Variants in MTTP observed in about 807,000 individuals in gnomAD.
The protein encoded by MTTP is microsomal triglyceride transfer protein large subunit.
MTTP carries 49 observed loss-of-function variants against 90.6 expected under a neutral mutation model. The observed-to-expected ratio is 0.54, with a 90% CI of 0.43 to 0.69. MTTP has a LOEUF of 0.69. MTTP is among the 30% of genes least tolerant of loss of function. MTTP has a pLI of 0.00. For synonymous variants in MTTP, 347 were observed against 384.2 expected, an observed-to-expected ratio of 0.90 and a Z score of 1.13; for missense variants, 945 against 1,067.5, an observed-to-expected ratio of 0.89 and a Z score of 1.60.
At chr4:99,598,648 G>C (rs1277916858) in intron 8 of MTTP, among the ~76,000 whole-genome samples, 1 of 136,104 alleles carries the variant, frequency 7.3e-6, no homozygotes, top group Non-Finnish European at 1.6e-5. Context: ...ATCCTTCAAG[G>C]AAGTCTTTTT....
chr4:99,617,466 G>A (rs955810723), intron 15 of MTTP, among the ~76,000 whole-genome samples: 2 of 152,160 alleles, frequency 1.3e-5, no homozygotes, highest in Admixed American at 1.3e-4. Context: ...CACAATCCTT[G>A]CTAGAAAGTT....
At position 99,583,403 on chromosome 4, in the gene MTTP, T is replaced by C. The variant is rs747693540; in HGVS notation, c.279T>C (p.Asn93=). The C allele has an allele frequency of 2.5e-6, 4 of 1,613,144 alleles. No homozygotes were observed. The highest frequency in any genetic ancestry group is 2.2e-5 in the East Asian group (1 of 44,828). Residue 93 remains asparagine, a synonymous_variant, in exon 3 of 18, where the codon AAT becomes AAC. Coordinates refer to ENST00000265517, the MANE Select transcript of MTTP (RefSeq NM_001386140.1). ...TMKDVNVENV[N]QQRGEKSIFK... ...AGGATGTAAATGTTGAAAATGTGAATCAGCAGAGAGGAGAGAAGAGCATCT... is the reference window on the plus strand; with the variant it reads ...AGGATGTAAATGTTGAAAATGTGAACCAGCAGAGAGGAGAGAAGAGCATCT...
chr4:99,580,435 C>T (rs6815416), intron 1 of MTTP, among the ~76,000 whole-genome samples: 29,563 of 150,936 alleles, frequency 0.2, 2,978 homozygotes, highest in South Asian at 0.3. Flanking sequence ...ATTAGCCAGG[C>T]GTGGTGGCAC....
rs948794577 is a variant in MTTP, at chr4:99,574,878, G to T, written c.-32G>T. ...CCACTTCTCAGTGACTCCTAGCTGG[G>T]CACTGGATGCAGTTGAGGATTGCTG... On this transcript the variant is annotated 5_prime_UTR_variant, in exon 1 of 18. Transcript: ENST00000265517. 18 of 1,613,954 alleles carry T rather than the reference G, an allele frequency of 1.1e-5. No homozygotes were observed. The African/African-American group carries it at 1.5e-4, about 13-fold the overall frequency.
chr4:99,620,946 TG>T, intron 16 of MTTP, 114 bp from the exon 17 acceptor site: 1 of 983,596 alleles, frequency 1.0e-6, no homozygotes, highest in East Asian at 2.6e-5. Flanking sequence ...ATCCCTTAAG[TG>T]TTTCCTTCCA....
At chr4:99,620,020 CAACAACAAAA>C (rs1262800760) in intron 16 of MTTP, among the ~76,000 whole-genome samples, 1 of 151,380 alleles carries the variant, frequency 6.6e-6, no homozygotes, top group African/African-American at 2.4e-5. Context: ...ACAACAGCAA[CAACAACAAAA>C]AGTAATTTGG....
rs143961701 is a variant in MTTP, at chr4:99,566,772, T to C, written c.-102+2535T>C. On this transcript the variant is annotated intron_variant, in intron 1 of 18. Coordinates refer to the MTTP transcript ENST00000457717. The stretch of plus-strand genomic sequence containing the variant: ...ACCAGTTTGTTAAATTGGGCCCTAG[T>C]TGGTAGAATAAGAAGGAGGCTACAG... Among the ~76,000 whole-genome samples the C allele has an allele frequency of 3.6e-3, 543 of 152,280 alleles. 5 individuals are homozygous for C. Among genetic ancestry groups the C allele is most frequent in the African/African-American group, 0.012 (510 of 41,550 alleles).
upstream of MTTP, among the ~76,000 whole-genome samples, chr4:99,571,670 A>AT (rs984138413): frequency 1.4e-4 from 22 of 151,858 alleles, no homozygotes; most frequent in African/African-American, 4.8e-4. Flanking sequence ...GTGAATCTTT[A>AT]TTTTCTCGTA....
intron 1 of MTTP, among the ~76,000 whole-genome samples, chr4:99,566,964 G>A (rs1453193838): frequency 6.6e-6 from 1 of 152,132 alleles, no homozygotes; most frequent in Admixed American, 6.5e-5. Flanking sequence ...AGGAGATGTG[G>A]AAATAGAGTA....
intron 3 of MTTP, among the ~76,000 whole-genome samples, chr4:99,587,604 T>C (rs1272122995): frequency 6.6e-6 from 1 of 152,160 alleles, no homozygotes; most frequent in Non-Finnish European, 1.5e-5. Context: ...ATACATTTTG[T>C]AGCCTGGAAG....
At chr4:99,585,601 T>A (rs1725239111) in intron 3 of MTTP, among the ~76,000 whole-genome samples, 1 of 152,164 alleles carries the variant, frequency 6.6e-6, no homozygotes. Flanking sequence ...AGTTCATAGA[T>A]ATTATTTGCA....
At position 99,564,991 on chromosome 4, in the gene MTTP, C is replaced by G. The variant is rs149580099; in HGVS notation, c.-102+754C>G. On this transcript the variant is annotated intron_variant, in intron 1 of 18. Transcript: ENST00000457717. ...TTGTGAGTCCCTCTTCTGTTTCTTCCTCATCTCAAACCTAAAAGATCTTTG... is the reference window on the plus strand; with the variant it reads ...TTGTGAGTCCCTCTTCTGTTTCTTCGTCATCTCAAACCTAAAAGATCTTTG... 2.6e-5 allele frequency among the ~76,000 whole-genome samples: 4 copies of G among 152,272 alleles called. No individual in the cohort carries two copies. In the East Asian group the frequency reaches 5.8e-4, roughly 22 times the overall value.
At chr4:99,579,226 G>A (rs928642055) in intron 1 of MTTP, among the ~76,000 whole-genome samples, 4 of 152,072 alleles carry the variant, frequency 2.6e-5, no homozygotes, top group East Asian at 1.9e-4. Context: ...TTGAAGGTTC[G>A]ACAGATTATG....
At chr4:99,588,327 C>A (rs1725306596) in intron 3 of MTTP, among the ~76,000 whole-genome samples, 1 of 151,988 alleles carries the variant, frequency 6.6e-6, no homozygotes, top group African/African-American at 2.4e-5. Context: ...TTATCATAGA[C>A]CTTGGGAATT....
Position 99,606,734 on chromosome 4 carries a change from A to G in MTTP, c.1345-14A>G. 1.2e-6 allele frequency: 2 copies of G among 1,611,100 alleles called. No homozygotes were observed. Among genetic ancestry groups the G allele is most frequent in the Non-Finnish European group, 1.7e-6 (2 of 1,178,310 alleles). On this transcript the variant is annotated splice_polypyrimidine_tract_variant and intron_variant, in intron 10 of 17. Coordinates refer to ENST00000265517, the MANE Select transcript of MTTP (RefSeq NM_001386140.1). The stretch of plus-strand genomic sequence containing the variant: ...GTATGGTCATGCATATATCTAAGGT[A>G]TATGATTTTTCAGGCAGTAGTGGAA...
intron 3 of MTTP, chr4:99,584,195 T>C (rs1035011694): frequency 5.3e-5 from 8 of 152,152 alleles, no homozygotes; most frequent in African/African-American, 1.9e-4. Flanking sequence ...GAGAAACAAT[T>C]GTGATCAGTT....
rs760527051 is a variant in MTTP at position 99,611,251 on chromosome 4, C to A, written c.1867+11C>A. 1.2e-5 allele frequency: 20 copies of A among 1,613,142 alleles called. No homozygotes were observed. In the African/African-American group the frequency reaches 2.5e-4, roughly 20 times the overall value. On this transcript the variant is annotated intron_variant, in intron 13 of 17. Transcript: ENST00000265517. Reference sequence around the variant, plus strand: ...CTGGCTACATAGAACGTATGTACACCAAAAAGAGGTTCTCCTTCCATACCC... The same window carrying A: ...CTGGCTACATAGAACGTATGTACACAAAAAAGAGGTTCTCCTTCCATACCC...
In MTTP at chr4:99,591,767, C is replaced by T. The variant is rs764799087; in HGVS notation, c.735C>T (p.Thr245=). The T allele has an allele frequency of 6.2e-7, 1 of 1,612,474 alleles. No homozygotes were observed. Among genetic ancestry groups the T allele is most frequent in the Non-Finnish European group, 8.5e-7 (1 of 1,178,890 alleles). The change falls in exon 6 of 18, where the codon ACC becomes ACT. Residue 245 remains threonine (T), a synonymous_variant. Coordinates refer to ENST00000265517, the MANE Select transcript of MTTP (RefSeq NM_001386140.1). ...THNFGLNFLQ[T]IKGKIVSKQK... Reference sequence around the variant, plus strand: ...ATTTTGGACTGAATTTCCTACAAACCATTAAGGGGAAAATAGTATCGAAGT... The same window carrying T: ...ATTTTGGACTGAATTTCCTACAAACTATTAAGGGGAAAATAGTATCGAAGT...
chr4:99,575,743 C>A (rs1724940813), intron 1 of MTTP, among the ~76,000 whole-genome samples: 1 of 152,192 alleles, frequency 6.6e-6, no homozygotes, highest in African/African-American at 2.4e-5. Context: ...ACATTATAAA[C>A]ATCGGTTTTC....
Sources: allele counts gnomAD v4.1 joint callset (sites outside exome capture counted in the v4.1 genomes callset), GRCh38; gene constraint gnomAD v4.1.1; transcripts MANE v1.5; gene names NCBI Gene and HGNC (gene_info 2026-07-23, HGNC 2026-07-21).